Variants in HIVEP2 observed in about 807,000 individuals in gnomAD.
HIVEP2 encodes the protein HIVEP zinc finger 2.
A neutral mutation model predicts 180.7 loss-of-function variants in HIVEP2; 14 were observed. The ratio of observed to expected loss-of-function variants is 0.08; its 90% CI spans 0.05 to 0.12. The LOEUF (loss-of-function observed/expected upper bound fraction) is 0.12. HIVEP2 is among the 10% of genes least tolerant of loss of function. The probability of loss-of-function intolerance (pLI) is 1.00; values close to 1 mark genes in which losing one functional copy is unlikely to be tolerated. For missense variants in HIVEP2, 2,579 were observed against 3,008.5 expected (o/e 0.86, Z 3.34); for synonymous variants, 1,184 against 1,136.4 (o/e 1.04, Z -0.84).
chr6:142,900,132 G>T (rs895066378), intron 1 of HIVEP2, among the ~76,000 whole-genome samples: 9 of 152,168 alleles, frequency 5.9e-5, no homozygotes, highest in Admixed American at 1.3e-4. Flanking sequence ...TCCTGGATTG[G>T]CTAAAGTGGA....
chr6:142,753,935 C>T lies in HIVEP2; in HGVS notation c.6517-4G>A, dbSNP rs776146629. On this transcript the variant is annotated splice_polypyrimidine_tract_variant and splice_region_variant and intron_variant, in intron 9 of 9. Coordinates refer to ENST00000367603, the MANE Select transcript of HIVEP2 (RefSeq NM_006734.4). ...GAGGTAATCCTCTTCTTAAATTCTG[C>T]GCAGAGAAACAAAGAGAGCACAAAA... 1.0e-4 allele frequency: 158 copies of T among 1,516,256 alleles called. 1 individual carries two copies. The South Asian group carries it at 1.4e-3, about 13-fold the overall frequency. The allele number at this position is 1,516,256 out of a possible 1,614,324, so 93.9% of individuals were successfully genotyped here.
At chr6:142,779,606 T>A (rs1429707304) in intron 3 of HIVEP2, 1 of 151,918 alleles carries the variant, frequency 6.6e-6, no homozygotes, top group Non-Finnish European at 1.5e-5. Flanking sequence ...GGGAAAAGAG[T>A]GAGACTATCT....
Position 142,752,535 on chromosome 6 carries a change from A to C in HIVEP2, c.*572T>G, listed in dbSNP as rs1234185217. The C allele has an allele frequency of 3.3e-5, 5 of 153,238 alleles. No homozygotes were observed. The highest frequency in any genetic ancestry group is 1.2e-4 in the African/African-American group (5 of 41,458). 9.5% of individuals were successfully genotyped at this position (153,238 alleles called of 1,614,324 possible). On this transcript the variant is annotated 3_prime_UTR_variant, in exon 10 of 10. Transcript: ENST00000367603. ...TGTTTACAATGTACATTTTTGTTCT[A>C]GTTACGCAACAGTAAATCCCATGCT...
At chr6:142,871,803 A>G (rs1582929775) in intron 1 of HIVEP2, among the ~76,000 whole-genome samples, 1 of 152,168 alleles carries the variant, frequency 6.6e-6, no homozygotes. Flanking sequence ...GGACTCAACT[A>G]AGGCATGAAA....
At chr6:142,789,671 T>C (rs890521129) in intron 2 of HIVEP2, among the ~76,000 whole-genome samples, 27 of 152,218 alleles carry the variant, frequency 1.8e-4, no homozygotes, top group Non-Finnish European at 7.3e-5. Context: ...CTTTAAACTG[T>C]CAAGTCAATT....
At chr6:142,803,541 ACCCCAACTATATATATAT>A (rs1449402898) in intron 2 of HIVEP2, among the ~76,000 whole-genome samples, 1 of 130,126 alleles carries the variant, frequency 7.7e-6, no homozygotes. Flanking sequence ...GGCAAAAAAT[ACCCCAACTATATATATAT>A]ATAGCATACA....
At chr6:142,931,431 T>C (rs2128438644) in intron 1 of HIVEP2, among the ~76,000 whole-genome samples, 2 of 152,212 alleles carry the variant, frequency 1.3e-5, no homozygotes, top group South Asian at 4.2e-4. Flanking sequence ...TGACAATCAT[T>C]TGAGCTCAGC....
At chr6:142,799,363 G>A (rs1046719468) in intron 2 of HIVEP2, among the ~76,000 whole-genome samples, 1 of 152,124 alleles carries the variant, frequency 6.6e-6, no homozygotes, top group African/African-American at 2.4e-5. Context: ...GGAGGAGACA[G>A]CGCTATCTAT....
chr6:142,920,196 TCA>T (rs1212596722), intron 1 of HIVEP2, among the ~76,000 whole-genome samples: 2 of 152,222 alleles, frequency 1.3e-5, no homozygotes, highest in Non-Finnish European at 2.9e-5. Flanking sequence ...CTACATGAGG[TCA>T]CAGAGTTATA....
intron 7 of HIVEP2, among the ~76,000 whole-genome samples, chr6:142,762,496 A>G (rs1775274741): frequency 1.0e-5 from 1 of 99,474 alleles, no homozygotes; most frequent in Non-Finnish European, 2.3e-5. Flanking sequence ...ACACACACAT[A>G]CATATAAATT....
chr6:142,828,665 C>T (rs1340221731), intron 2 of HIVEP2, among the ~76,000 whole-genome samples: 2 of 151,982 alleles, frequency 1.3e-5, no homozygotes, highest in East Asian at 1.9e-4. Context: ...CTCCTGACCT[C>T]GTGATCCACC....
intron 1 of HIVEP2, among the ~76,000 whole-genome samples, chr6:142,920,629 C>G (rs1234977316): frequency 6.6e-6 from 1 of 152,124 alleles, no homozygotes; most frequent in Non-Finnish European, 1.5e-5. Context: ...GGATGAGGTA[C>G]CTACCACCAA....
chr6:142,772,986 G>T lies in HIVEP2; in HGVS notation c.1753C>A (p.Pro585Thr). The T allele has an allele frequency of 6.2e-7, 1 of 1,614,190 alleles. No individual in the cohort carries two copies. The highest frequency in any genetic ancestry group is 1.3e-5 in the African/African-American group (1 of 75,022). Residue 585 changes from proline to threonine, a missense_variant, in exon 5 of 10, where the codon CCC (proline) becomes ACC (threonine). Coordinates refer to ENST00000367603, the MANE Select transcript of HIVEP2 (RefSeq NM_006734.4). This position sits in a 1 kb window ranked among gnomAD's most constrained non-coding sequence, Gnocchi z 4.9. ...TGTCTTCTTAGCATGCGCTGAGGGG[G>T]TATGCCCACGGTCCCTGGATAGAAT... ...DVFYPGTVGIPPQRMLRRQAA... is the reference protein window; with the variant it reads ...DVFYPGTVGITPQRMLRRQAA...
In HIVEP2 at chr6:142,862,724, TA is replaced by T. The variant is rs1324469990; in HGVS notation, c.-640-25678del. Among the ~76,000 whole-genome samples, 8 of 139,718 alleles carry T rather than the reference TA, an allele frequency of 5.7e-5. 1 individual carries two copies. The highest frequency in any genetic ancestry group is 3.0e-5 in the Non-Finnish European group (2 of 66,058). The allele number at this position is 139,718 out of a possible 152,430, so 91.7% of individuals were successfully genotyped here. ...ATGTAACTATATATTATACATTACA[TA>T]TATTATGTAATTATATATTATACAT... is the stretch of plus-strand genomic sequence containing the variant. On this transcript the variant is annotated intron_variant, in intron 1 of 9. Coordinates refer to ENST00000367603, the MANE Select transcript of HIVEP2 (RefSeq NM_006734.4).
intron 1 of HIVEP2, among the ~76,000 whole-genome samples, chr6:142,864,105 G>C (rs1051166412): frequency 6.6e-6 from 1 of 151,998 alleles, no homozygotes; most frequent in Admixed American, 6.6e-5. Context: ...GGCTGTAGGG[G>C]GTGTCCTTTC....
At chr6:142,783,338 A>C (rs1475769934) in intron 3 of HIVEP2, among the ~76,000 whole-genome samples, 183 bp downstream of exon 3, 1 of 149,260 alleles carries the variant, frequency 6.7e-6, no homozygotes. Context: ...AAAAAAAAAA[A>C]AAAAAAAAAA....
chr6:142,863,199 C>T (rs1186381016), intron 1 of HIVEP2, among the ~76,000 whole-genome samples: 1 of 148,642 alleles, frequency 6.7e-6, no homozygotes, highest in Non-Finnish European at 1.5e-5. Context: ...TAATAAATTC[C>T]CTGTTCACAG....
chr6:142,772,122 ACTG>A lies in HIVEP2; in HGVS notation c.2614_2616del (p.Gln872del). ...ACTAGCCTGGGCTGTGTGTGATAGG[ACTG>A]CTGCTGCACCTGCTGAGATGGAGAG... is the stretch of plus-strand genomic sequence containing the variant. On this transcript the variant is annotated inframe_deletion, in exon 5 of 10. Transcript: ENST00000367603. This position sits in a 1 kb window ranked among gnomAD's most constrained non-coding sequence, Gnocchi z 4.9. The A allele has an allele frequency of 6.2e-7, 1 of 1,614,094 alleles. No individual in the cohort carries two copies. Among genetic ancestry groups the A allele is most frequent in the Non-Finnish European group, 8.5e-7 (1 of 1,180,022 alleles).
At chr6:142,883,389 T>C (rs958082546) in intron 1 of HIVEP2, among the ~76,000 whole-genome samples, 1 of 151,978 alleles carries the variant, frequency 6.6e-6, no homozygotes, top group African/African-American at 2.4e-5. Flanking sequence ...CCTGACTCAA[T>C]TCAAATAGTT....
Sources: allele counts gnomAD v4.1 joint callset (sites outside exome capture counted in the v4.1 genomes callset), GRCh38; gene constraint gnomAD v4.1.1; non-coding constraint Gnocchi (gnomAD v3.1); transcripts MANE v1.5; gene names NCBI Gene and HGNC (gene_info 2026-07-23, HGNC 2026-07-21).